Variants in STPG2 observed in about 807,000 individuals in gnomAD.
STPG2 encodes the protein sperm tail PG-rich repeat containing 2, also known as sperm-tail PG-rich repeat-containing protein 2.
Under a neutral mutation model 54.2 loss-of-function variants are expected in STPG2, and 56 were observed. The ratio of observed to expected loss-of-function variants is 1.03; its 90% CI spans 0.83 to 1.29. STPG2 has a LOEUF of 1.29. STPG2 is among the 50% of genes most tolerant of loss of function. The pLI, the probability that STPG2 is intolerant of heterozygous loss-of-function variation, is 0.00. For missense variants in STPG2, 596 were observed against 544.9 expected, an observed-to-expected ratio of 1.09 and a Z score of -0.93; for synonymous variants, 200 against 181.8, an observed-to-expected ratio of 1.10 and a Z score of -0.81.
intron 8 of STPG2, among the ~76,000 whole-genome samples, chr4:97,922,372 T>C (rs1231012195): frequency 6.6e-6 from 1 of 152,156 alleles, no homozygotes; most frequent in Non-Finnish European, 1.5e-5. Context: ...AAATGTATAA[T>C]TCAGCATTTA....
chr4:97,654,564 T>A (rs920129256), intron 10 of STPG2, among the ~76,000 whole-genome samples: 1 of 152,136 alleles, frequency 6.6e-6, no homozygotes, highest in Non-Finnish European at 1.5e-5. Flanking sequence ...ACATTACACA[T>A]CACTATGTAC....
intron 10 of STPG2, among the ~76,000 whole-genome samples, chr4:97,709,469 C>T (rs1452404355): frequency 2.1e-5 from 3 of 146,340 alleles, no homozygotes; most frequent in Non-Finnish European, 3.0e-5. Flanking sequence ...AATTATGTAA[C>T]CTGCAAAAAT....
At chr4:97,459,257 T>C (rs1223748901) in intron 4 of STPG2, among the ~76,000 whole-genome samples, 1 of 152,012 alleles carries the variant, frequency 6.6e-6, no homozygotes, top group Admixed American at 6.5e-5. Flanking sequence ...GTTTCAACAT[T>C]TGGATTTTTC....
At chr4:97,944,671 T>G (rs1189248098) in intron 7 of STPG2, among the ~76,000 whole-genome samples, 1 of 152,176 alleles carries the variant, frequency 6.6e-6, no homozygotes, top group Non-Finnish European at 1.5e-5. Flanking sequence ...TTTACACATT[T>G]TACTGTTTTT....
In STPG2 at chr4:98,104,704, A is replaced by G. The variant is rs577526025; in HGVS notation, c.612+1249T>C. Among the ~76,000 whole-genome samples, 3 of 152,342 alleles carry G rather than the reference A, an allele frequency of 2.0e-5. 1 individual carries two copies. The East Asian group carries it at 5.8e-4, about 29-fold the overall frequency. ...GTCACATTACATTTAATAATAAACA[A>G]GCCTCTGGGTAAGCTCACATTTTTT... On this transcript the variant is annotated intron_variant, in intron 5 of 10. Coordinates refer to ENST00000295268, the MANE Select transcript of STPG2 (RefSeq NM_174952.3).
At chr4:98,056,481 A>G (rs1737489479) in intron 5 of STPG2, among the ~76,000 whole-genome samples, 1 of 152,196 alleles carries the variant, frequency 6.6e-6, no homozygotes, top group South Asian at 2.1e-4. Flanking sequence ...AACAAGCCAG[A>G]GAACAAAGTC....
At chr4:97,533,853 CA>C (rs1341068186) in intron 4 of STPG2, among the ~76,000 whole-genome samples, 1 of 152,012 alleles carries the variant, frequency 6.6e-6, no homozygotes, top group Non-Finnish European at 1.5e-5. Flanking sequence ...AATCTGTATA[CA>C]AGTCTTTTTG....
At chr4:98,037,239 T>C (rs1429032426) in intron 5 of STPG2, among the ~76,000 whole-genome samples, 1 of 152,072 alleles carries the variant, frequency 6.6e-6, no homozygotes, top group Non-Finnish European at 1.5e-5. Context: ...CAATCCCACT[T>C]ATGAACACAT....
chr4:98,108,348 T>C (rs537696110), intron 4 of STPG2, among the ~76,000 whole-genome samples: 13 of 152,250 alleles, frequency 8.5e-5, no homozygotes, highest in African/African-American at 3.1e-4. Flanking sequence ...AAATTAATTA[T>C]AAGAAAGGGT....
At chr4:97,486,385 A>G (rs1448042725) in intron 4 of STPG2, among the ~76,000 whole-genome samples, 1 of 151,982 alleles carries the variant, frequency 6.6e-6, no homozygotes, top group African/African-American at 2.4e-5. Flanking sequence ...TCCCAAAACA[A>G]GATATACAAA....
At chr4:97,578,868 T>A (rs1732790360) in intron 10 of STPG2, among the ~76,000 whole-genome samples, 1 of 152,158 alleles carries the variant, frequency 6.6e-6, no homozygotes, top group Non-Finnish European at 1.5e-5. Context: ...GGTTCAAAGC[T>A]ATGGCATAGT....
intron 8 of STPG2, among the ~76,000 whole-genome samples, chr4:97,906,325 G>C (rs916807397): frequency 6.6e-5 from 10 of 152,168 alleles, no homozygotes; most frequent in African/African-American, 1.9e-4. Context: ...GGAAGAAGTT[G>C]AATCTCTGAA....
chr4:98,073,068 T>A (rs992171985), intron 5 of STPG2, among the ~76,000 whole-genome samples: 2 of 152,212 alleles, frequency 1.3e-5, no homozygotes, highest in African/African-American at 4.8e-5. Context: ...TATTATTATT[T>A]ATTTATTCAT....
chr4:97,848,713 C>T (rs1316746637), intron 8 of STPG2, among the ~76,000 whole-genome samples: 2 of 152,058 alleles, frequency 1.3e-5, no homozygotes, highest in Non-Finnish European at 2.9e-5. Context: ...CAGCTTTCTA[C>T]ATATGGCTAG....
chr4:97,823,392 T>C (rs974849197), intron 9 of STPG2, among the ~76,000 whole-genome samples: 5 of 152,114 alleles, frequency 3.3e-5, no homozygotes, highest in African/African-American at 1.2e-4. Flanking sequence ...GTGCTGTAGA[T>C]ATAGAAAAGC....
intron 4 of STPG2, among the ~76,000 whole-genome samples, chr4:97,544,279 G>C (rs111863892): frequency 0.012 from 1,901 of 152,082 alleles, 39 homozygotes; most frequent in African/African-American, 0.044. Flanking sequence ...TTCAGATAGC[G>C]GTGCCACTGA....
intron 5 of STPG2, among the ~76,000 whole-genome samples, chr4:98,019,530 G>T (rs1736100588): frequency 6.6e-6 from 1 of 151,898 alleles, no homozygotes; most frequent in Non-Finnish European, 1.5e-5. Flanking sequence ...GAACTTTAAA[G>T]TAGTTTTTTC....
intron 10 of STPG2, among the ~76,000 whole-genome samples, chr4:97,629,543 G>A (rs1721192289): frequency 6.6e-6 from 1 of 151,856 alleles, no homozygotes; most frequent in Admixed American, 6.6e-5. Context: ...GAATGACAGG[G>A]CTCATATTAC....
chr4:97,470,208 G>T (rs2148814327), intron 4 of STPG2, among the ~76,000 whole-genome samples: 1 of 152,122 alleles, frequency 6.6e-6, no homozygotes, highest in African/African-American at 2.4e-5. Flanking sequence ...AAGTAAGAAG[G>T]CATTGAGATG....
Sources: allele counts gnomAD v4.1 joint callset (sites outside exome capture counted in the v4.1 genomes callset), GRCh38; gene constraint gnomAD v4.1.1; transcripts MANE v1.5; gene names NCBI Gene and HGNC (gene_info 2026-07-23, HGNC 2026-07-21).